Variants in SLTM observed in about 807,000 individuals in gnomAD.
SLTM encodes SAFB like transcription modulator, also known as SAFB-like transcription modulator.
In SLTM, 43 loss-of-function variants were observed where a neutral mutation model predicts 134.6. That is an observed-to-expected ratio of 0.32 (90% CI 0.25 to 0.41). SLTM has a LOEUF of 0.41. Among genes scored for constraint, SLTM ranks in the 10% least tolerant of loss-of-function variants. The pLI is 1.00. For synonymous variants in SLTM, 424 were observed against 432.3 expected, an observed-to-expected ratio of 0.98 and a Z score of 0.24; for missense variants, 1,055 against 1,288.8, an observed-to-expected ratio of 0.82 and a Z score of 2.78.
At chr15:58,932,480 T>A in intron 1 of SLTM, 37 bp from the exon 2 acceptor site, 1 of 1,408,458 alleles carries the variant, frequency 7.1e-7, no homozygotes, top group South Asian at 1.2e-5. Flanking sequence ...CTACACAATC[T>A]ATCTAAACTT....
In SLTM at chr15:58,899,219, A is replaced by AC; in HGVS notation, c.1058+249dup. 2.1e-6 allele frequency: 1 copy of AC among 466,132 alleles called. No individual in the cohort carries two copies. The highest frequency in any genetic ancestry group is 3.7e-6 in the Non-Finnish European group (1 of 267,442). 28.9% of individuals were successfully genotyped at this position (466,132 alleles called of 1,614,324 possible). ...AAAATTGTCAATTTGAAAAAAAAAA[A>AC]CAAAAAACAAAAAACAACAAAAAAA... On this transcript the variant is annotated intron_variant, in intron 7 of 20. Transcript: ENST00000380516. The surrounding 1 kb of genome is among the most constrained non-coding windows in gnomAD (Gnocchi z 5.0).
At position 58,879,730 on chromosome 15, in the gene SLTM, G is replaced by A. The variant is rs1264640930; in HGVS notation, c.*269C>T. The A allele has an allele frequency of 4.1e-5, 13 of 320,260 alleles. No individual in the cohort carries two copies. The highest frequency in any genetic ancestry group is 1.4e-4 in the South Asian group (3 of 22,006). The allele number at this position is 320,260 out of a possible 1,614,324, so 19.8% of individuals were successfully genotyped here. On this transcript the variant is annotated 3_prime_UTR_variant, in exon 21 of 21. Transcript: ENST00000380516. ...AAACTACTCTTTATATTCACACAGC[G>A]TTAAACAAAACGACTTCAATTCCAT...
chr15:58,904,257 T>A (rs2035705218), intron 5 of SLTM, among the ~76,000 whole-genome samples: 1 of 152,056 alleles, frequency 6.6e-6, no homozygotes. Context: ...GTGCTCTACC[T>A]GCCTCGGCCT....
chr15:58,894,306 TA>T, intron 10 of SLTM, 113 bp from the exon 11 acceptor site: 1 of 1,429,294 alleles, frequency 7.0e-7, no homozygotes, highest in Non-Finnish European at 9.6e-7. Context: ...ATAAGGAGAG[TA>T]AAAACTACAA....
At chr15:58,923,799 C>CTTTTTTTTTTTTTTTTT (rs34100406) in intron 2 of SLTM, among the ~76,000 whole-genome samples, 1 of 69,544 alleles carries the variant, frequency 1.4e-5, no homozygotes, top group Non-Finnish European at 2.5e-5. Context: ...GAAGCCAAAC[C>CTTTTTTTTTTTTTTTTT]TTTTTTTTTT....
At chr15:58,894,681 AG>A (rs1296860252) in intron 9 of SLTM, 99 bp from the exon 10 acceptor site, 5 of 1,049,022 alleles carry the variant, frequency 4.8e-6, no homozygotes, top group Non-Finnish European at 7.1e-6. Flanking sequence ...ATATTAATTC[AG>A]GGTGTATCTT....
intron 5 of SLTM, among the ~76,000 whole-genome samples, chr15:58,911,014 G>T (rs1335738038): frequency 6.6e-6 from 1 of 152,074 alleles, no homozygotes; most frequent in Admixed American, 6.6e-5. Flanking sequence ...AAAGTGCTGG[G>T]ATGACAGGTG....
intron 3 of SLTM, among the ~76,000 whole-genome samples, chr15:58,914,480 C>G (rs60836118): frequency 1.3e-5 from 2 of 152,182 alleles, no homozygotes; most frequent in East Asian, 3.9e-4. Flanking sequence ...AAATTTCTAT[C>G]GAGAGGTGGG....
chr15:58,916,850 C>T (rs1045145860), intron 3 of SLTM, 85 bp downstream of exon 3: 4 of 1,113,806 alleles, frequency 3.6e-6, no homozygotes, highest in South Asian at 1.3e-5. Context: ...CTTCAGTGAC[C>T]ATTGTTCAAC....
intron 2 of SLTM, among the ~76,000 whole-genome samples, chr15:58,928,234 G>C (rs1490274036): frequency 6.6e-6 from 1 of 152,078 alleles, no homozygotes; most frequent in Non-Finnish European, 1.5e-5. Context: ...TAAAAGAAAA[G>C]GATATGCCAG....
Position 58,879,275 on chromosome 15 carries a change from C to T in SLTM, c.*724G>A, listed in dbSNP as rs1475731817. On this transcript the variant is annotated 3_prime_UTR_variant, in exon 21 of 21. Transcript: ENST00000380516. ...TAAAAGTGCACTTACCTGCACAACT[C>T]GGTCTAAGAACCTTGTGAAACAAAC... The T allele has an allele frequency of 1.3e-5, 2 of 152,196 alleles. No individual in the cohort carries two copies. Among genetic ancestry groups the T allele is most frequent in the Admixed American group, 6.5e-5 (1 of 15,278 alleles). The allele number at this position is 152,196 out of a possible 1,614,324, so 9.4% of individuals were successfully genotyped here.
chr15:58,920,548 G>A (rs1051773575), intron 2 of SLTM, among the ~76,000 whole-genome samples: 5 of 151,850 alleles, frequency 3.3e-5, no homozygotes, highest in South Asian at 4.1e-4. Flanking sequence ...ACCTGAACCC[G>A]GGAGGTGGAG....
At chr15:58,908,413 T>C (rs1287836658) in intron 5 of SLTM, among the ~76,000 whole-genome samples, 1 of 151,866 alleles carries the variant, frequency 6.6e-6, no homozygotes, top group Non-Finnish European at 1.5e-5. Flanking sequence ...ATTGCCCAGG[T>C]TGGAGTACAG....
chr15:58,902,072 C>T (rs1453817971), intron 5 of SLTM, among the ~76,000 whole-genome samples: 2 of 152,090 alleles, frequency 1.3e-5, no homozygotes, highest in African/African-American at 4.8e-5. Context: ...AGCTTAAAAA[C>T]AGAAGAGTCA....
At position 58,886,967 on chromosome 15, in the gene SLTM, G is replaced by A. The variant is rs200532984; in HGVS notation, c.2835+8C>T. ...GCAGGCTCGCGGCAAGCCTCCCGCA[G>A]CACTTACCTGTGATCCACCTCCTCG... On this transcript the variant is annotated splice_region_variant and intron_variant, in intron 19 of 20. Transcript: ENST00000380516. 6.6e-5 allele frequency: 107 copies of A among 1,612,086 alleles called. No individual in the cohort carries two copies. The African/African-American group carries it at 1.1e-3, about 17-fold the overall frequency.
chr15:58,887,613 T>G, intron 17 of SLTM, 73 bp from the exon 18 acceptor site: 18 of 1,522,772 alleles, frequency 1.2e-5, no homozygotes, highest in Non-Finnish European at 1.6e-5. Context: ...TAACTTTGTC[T>G]GCATAACCTA....
intron 5 of SLTM, among the ~76,000 whole-genome samples, chr15:58,902,593 T>C (rs1171902782): frequency 1.3e-5 from 2 of 151,842 alleles, no homozygotes; most frequent in Non-Finnish European, 2.9e-5. Context: ...GGTCTTGCTA[T>C]GTTGCCCGGG....
chr15:58,902,913 A>T (rs1485153997), intron 5 of SLTM, among the ~76,000 whole-genome samples: 1 of 145,538 alleles, frequency 6.9e-6, no homozygotes, highest in South Asian at 2.2e-4. Context: ...ATTATTTTTT[A>T]TTTTTTGAGA....
At chr15:58,893,231 T>G in intron 13 of SLTM, 48 bp downstream of exon 13, 8 of 1,498,712 alleles carry the variant, frequency 5.3e-6, no homozygotes, top group Non-Finnish European at 7.3e-6. Context: ...ATTATCTTCT[T>G]TTGTAAACAG....
Sources: allele counts gnomAD v4.1 joint callset (sites outside exome capture counted in the v4.1 genomes callset), GRCh38; gene constraint gnomAD v4.1.1; non-coding constraint Gnocchi (gnomAD v3.1); transcripts MANE v1.5; gene names NCBI Gene and HGNC (gene_info 2026-07-23, HGNC 2026-07-21).